The following WDR37 variants were observed in gnomAD, a reference collection of about 807,000 sequenced individuals.
The protein encoded by WDR37 is WD repeat-containing protein 37.
Under a neutral mutation model 62.9 loss-of-function variants are expected in WDR37, and 19 were observed. That is an observed-to-expected ratio of 0.30 (90% CI 0.21 to 0.44). The LOEUF is 0.44. Among genes scored for constraint, WDR37 ranks in the 20% least tolerant of loss-of-function variants. The probability of loss-of-function intolerance (pLI) is 1.00; values close to 1 mark genes in which losing one functional copy is unlikely to be tolerated. For missense variants in WDR37, 474 were observed against 657.6 expected (o/e 0.72, Z 3.05); for synonymous variants, 250 against 260.9 (o/e 0.96, Z 0.40).
In WDR37 at chr10:1,084,432, G is replaced by A. The variant is rs1342837652; in HGVS notation, c.426G>A (p.Ser142=). ...TCTCCAGCTTTAAGACCACGACATC[G>A]AGAGCTGCCTGCCAGCTCGTGAAGG... ...KIVSSFKTTT[S]RAACQLVKEY... The change falls in exon 6 of 14, where the codon TCG becomes TCA. Residue 142 remains serine, a synonymous_variant. Coordinates refer to ENST00000263150, the MANE Select transcript of WDR37 (RefSeq NM_014023.4). 1.9e-6 allele frequency: 3 copies of A among 1,614,110 alleles called. No homozygotes were observed. The highest frequency in any genetic ancestry group is 3.3e-5 in the Admixed American group (2 of 60,022).
chr10:1,120,834 T>C (rs1310916653), intron 11 of WDR37, among the ~76,000 whole-genome samples: 1 of 152,280 alleles, frequency 6.6e-6, no homozygotes, highest in East Asian at 1.9e-4. Context: ...CAGATTGTTA[T>C]GCAGAAGCGG....
chr10:1,078,050 T>C (rs1322927533), intron 3 of WDR37, 47 bp downstream of exon 3: 2 of 1,418,866 alleles, frequency 1.4e-6, no homozygotes, highest in East Asian at 4.6e-5. Flanking sequence ...TACCTATCCA[T>C]AGTCAAATTT....
intron 11 of WDR37, among the ~76,000 whole-genome samples, chr10:1,107,021 T>C (rs1835044705): frequency 6.6e-6 from 1 of 152,170 alleles, no homozygotes; most frequent in South Asian, 2.1e-4. Context: ...GCGATAGCCA[T>C]AGTAATACAG....
intron 11 of WDR37, among the ~76,000 whole-genome samples, chr10:1,111,702 C>T (rs772844192): frequency 2.0e-5 from 3 of 152,104 alleles, no homozygotes; most frequent in African/African-American, 4.8e-5. Flanking sequence ...ACTTAGTTGG[C>T]GTAACTGTGT....
Position 1,086,367 on chromosome 10 carries a change from G to A in WDR37, c.604+10G>A, listed in dbSNP as rs529425715. ...GGCCACGTGGGCTCAGGTAAGCACT[G>A]CCTAAGGAGTGCCGTAGCCAGAGGC... On this transcript the variant is annotated intron_variant, in intron 7 of 13. Transcript: ENST00000263150. 83 of 1,611,054 alleles carry A rather than the reference G, an allele frequency of 5.2e-5. No individual in the cohort carries two copies. In the East Asian group the frequency reaches 6.0e-4, roughly 12 times the overall value.
At position 1,105,604 on chromosome 10, in the gene WDR37, G is replaced by C. The variant is rs769444468; in HGVS notation, c.1103+337G>C. 6.6e-6 allele frequency among the ~76,000 whole-genome samples: 1 copy of C among 152,140 alleles called. No individual in the cohort carries two copies. Among genetic ancestry groups the C allele is most frequent in the Non-Finnish European group, 1.5e-5 (1 of 68,024 alleles). ...GGCCGGCCACGCCACCATAGGAGCC[G>C]CGGGAGCTGTTACTCCTACCCACGG... On this transcript the variant is annotated intron_variant, in intron 11 of 13. Transcript: ENST00000263150. This position sits in a 1 kb window ranked among gnomAD's most constrained non-coding sequence, Gnocchi z 5.3.
chr10:1,117,188 G>C (rs752373229), intron 11 of WDR37, among the ~76,000 whole-genome samples: 2 of 152,110 alleles, frequency 1.3e-5, no homozygotes, highest in Non-Finnish European at 2.9e-5. Context: ...CTGAGTAGCA[G>C]GGACTACAGG....
chr10:1,127,060 G>C (rs925996772), intron 13 of WDR37, among the ~76,000 whole-genome samples: 2 of 152,212 alleles, frequency 1.3e-5, no homozygotes, highest in African/African-American at 2.4e-5. Flanking sequence ...AGACACAGTA[G>C]AATGTTCTCT....
In WDR37 at chr10:1,131,344, A is replaced by G. The variant is rs1476235117; in HGVS notation, c.*2000A>G. 2 of 152,270 alleles carry G rather than the reference A, an allele frequency of 1.3e-5. No homozygotes were observed. Among genetic ancestry groups the G allele is most frequent in the East Asian group, 3.8e-4 (2 of 5,204 alleles). The allele number at this position is 152,270 out of a possible 1,614,324, so 9.4% of individuals were successfully genotyped here. Reference sequence around the variant, plus strand: ...GTGTCTTAGGATGATGGTTAGGAACATTGAAAAATGGCTGCAAATAGCCAA... The same window carrying G: ...GTGTCTTAGGATGATGGTTAGGAACGTTGAAAAATGGCTGCAAATAGCCAA... On this transcript the variant is annotated 3_prime_UTR_variant, in exon 14 of 14. Transcript: ENST00000263150.
At position 1,105,713 on chromosome 10, in the gene WDR37, C is replaced by A. The variant is rs900353686; in HGVS notation, c.1103+446C>A. 6.6e-6 allele frequency among the ~76,000 whole-genome samples: 1 copy of A among 152,108 alleles called. No individual in the cohort carries two copies. The highest frequency in any genetic ancestry group is 2.4e-5 in the African/African-American group (1 of 41,418). On this transcript the variant is annotated intron_variant, in intron 11 of 13. Transcript: ENST00000263150. The surrounding 1 kb of genome is among the most constrained non-coding windows in gnomAD (Gnocchi z 5.3). Reference sequence around the variant, plus strand: ...TTCTGGGAGAAGGTATACACATAGACGCGCAAACACAGACATAGACCCTCA... The same window carrying A: ...TTCTGGGAGAAGGTATACACATAGAAGCGCAAACACAGACATAGACCCTCA...
At chr10:1,071,192 T>G (rs2131614347) in intron 1 of WDR37, among the ~76,000 whole-genome samples, 1 of 152,308 alleles carries the variant, frequency 6.6e-6, no homozygotes, top group East Asian at 1.9e-4. Context: ...AAGAAGATGA[T>G]GGAGGCATGT....
intron 1 of WDR37, among the ~76,000 whole-genome samples, chr10:1,063,972 A>ACC (rs1469683009): frequency 1.3e-5 from 2 of 152,222 alleles, no homozygotes; most frequent in African/African-American, 4.8e-5. Flanking sequence ...GTAAGAAAAG[A>ACC]CCACTGATGC....
chr10:1,120,320 C>T (rs1219579528), intron 11 of WDR37, among the ~76,000 whole-genome samples: 1 of 152,228 alleles, frequency 6.6e-6, no homozygotes, highest in Non-Finnish European at 1.5e-5. Flanking sequence ...CTGATGACTC[C>T]AAACACAACA....
At chr10:1,063,735 C>T (rs950891866) in intron 1 of WDR37, among the ~76,000 whole-genome samples, 3 of 152,148 alleles carry the variant, frequency 2.0e-5, no homozygotes, top group Admixed American at 6.5e-5. Context: ...GGGAGCAGCA[C>T]GGAGGCAGCC....
chr10:1,104,862 T>G (rs1473965252), intron 10 of WDR37, among the ~76,000 whole-genome samples: 1 of 152,216 alleles, frequency 6.6e-6, no homozygotes, highest in Non-Finnish European at 1.5e-5. Context: ...AACCTGTTAA[T>G]TTGCCTGACC....
At chr10:1,078,828 C>CTAG (rs1833948666) in intron 3 of WDR37, among the ~76,000 whole-genome samples, 1 of 152,150 alleles carries the variant, frequency 6.6e-6, no homozygotes, top group South Asian at 2.1e-4. Flanking sequence ...AAAATTTGTA[C>CTAG]TAGACAAATG....
At chr10:1,108,718 T>A (rs2131669223) in intron 11 of WDR37, among the ~76,000 whole-genome samples, 1 of 147,066 alleles carries the variant, frequency 6.8e-6, no homozygotes, top group South Asian at 2.2e-4. Flanking sequence ...CTGTGGTTGC[T>A]TTGGTTTTGG....
Position 1,105,240 on chromosome 10 carries a change from C to T in WDR37, c.1076C>T (p.Ser359Leu), listed in dbSNP as rs865886522. The change falls in exon 11 of 14, where the codon TCG (serine) becomes TTG (leucine). Residue 359 changes from serine to leucine, a missense_variant. Coordinates refer to ENST00000263150, the MANE Select transcript of WDR37 (RefSeq NM_014023.4). The surrounding 1 kb of genome is among the most constrained non-coding windows in gnomAD (Gnocchi z 5.3). ...LWDFRDPSIH[S>L]VNVFQGHTDT... ...GATTTCAGGGACCCCTCCATCCACT[C>T]GGTGAATGTTTTCCAGGGACACACG... 6.8e-6 allele frequency: 11 copies of T among 1,614,112 alleles called. No homozygotes were observed. The highest frequency in any genetic ancestry group is 1.1e-5 in the South Asian group (1 of 91,054).
intron 7 of WDR37, among the ~76,000 whole-genome samples, chr10:1,089,124 C>T (rs951167029): frequency 6.6e-6 from 1 of 152,046 alleles, no homozygotes; most frequent in African/African-American, 2.4e-5. Flanking sequence ...TTAGTTTCAT[C>T]TGCCAGTCCT....
Sources: allele counts gnomAD v4.1 joint callset (sites outside exome capture counted in the v4.1 genomes callset), GRCh38; gene constraint gnomAD v4.1.1; non-coding constraint Gnocchi (gnomAD v3.1); transcripts MANE v1.5; gene names NCBI Gene and HGNC (gene_info 2026-07-23, HGNC 2026-07-21).